Variants in OPRM1 observed in about 807,000 individuals in gnomAD.
The protein encoded by OPRM1 is opioid receptor mu 1, also known as mu-type opioid receptor.
In OPRM1, 27 loss-of-function variants were observed where a neutral mutation model predicts 31.8. That is an observed-to-expected ratio of 0.85 (90% CI 0.63 to 1.17). The LOEUF (loss-of-function observed/expected upper bound fraction) is 1.17, where lower values mean the gene tolerates loss of function less well. Ranked by LOEUF, OPRM1 falls within the 50% of genes most tolerant of loss-of-function variation. The pLI is 0.00. For synonymous variants in OPRM1, 196 were observed against 189.9 expected (o/e 1.03, Z -0.26); for missense variants, 536 against 511.1 (o/e 1.05, Z -0.47).
chr6:154,167,896 A>C, intron 3 of OPRM1: 1 of 1,544,844 alleles, frequency 6.5e-7, no homozygotes, highest in Non-Finnish European at 8.9e-7. Context: ...CATAGAGTTC[A>C]TCCACAATTT....
At chr6:154,092,276 CA>C (rs1792442236) in intron 3 of OPRM1, among the ~76,000 whole-genome samples, 1 of 152,204 alleles carries the variant, frequency 6.6e-6, no homozygotes, top group East Asian at 1.9e-4. Context: ...AGGCTGTCTC[CA>C]AGTTAGTATT....
chr6:154,221,115 T>C lies in OPRM1; in HGVS notation c.1165-25578T>C, dbSNP rs1778832310. ...TACTAGAGAAGAAAGCACGAAGGCA[T>C]TGTAACTGCTAAATAAATTAATCCT... On this transcript the variant is annotated intron_variant, in intron 3 of 3. Coordinates refer to the OPRM1 transcript ENST00000337049. 4 of 629,836 alleles carry C rather than the reference T, an allele frequency of 6.4e-6. No homozygotes were observed. The East Asian group carries it at 1.2e-4, about 18-fold the overall frequency. The allele number at this position is 629,836 out of a possible 1,614,324, so 39.0% of individuals were successfully genotyped here. A position where few individuals can be genotyped will look rare whatever the true frequency, so the allele number is the denominator to read the frequency against.
upstream of OPRM1, among the ~76,000 whole-genome samples, chr6:154,036,507 T>TA (rs1418806135): frequency 6.6e-6 from 1 of 151,840 alleles, no homozygotes; most frequent in African/African-American, 2.4e-5. Flanking sequence ...TAAAACAGAA[T>TA]AAAAAAACAA....
At chr6:154,096,024 C>T (rs1402463902) in intron 3 of OPRM1, among the ~76,000 whole-genome samples, 1 of 152,000 alleles carries the variant, frequency 6.6e-6, no homozygotes, top group African/African-American at 2.4e-5. Flanking sequence ...TTATCTAATG[C>T]ATTTTCTTTT....
chr6:154,087,155 T>A, intron 1 of OPRM1: 2 of 985,350 alleles, frequency 2.0e-6, no homozygotes, highest in Non-Finnish European at 2.4e-6. Context: ...AGTCTGAAAA[T>A]GTGGAGCTTT....
upstream of OPRM1, among the ~76,000 whole-genome samples, chr6:154,034,831 A>G (rs73572461): frequency 4.2e-3 from 639 of 152,312 alleles, 11 homozygotes; most frequent in African/African-American, 0.015. Flanking sequence ...TCCAGATTTT[A>G]GAAAGACATT....
intron 3 of OPRM1, among the ~76,000 whole-genome samples, chr6:154,200,809 T>C (rs903193281): frequency 6.6e-6 from 1 of 152,156 alleles, no homozygotes; most frequent in African/African-American, 2.4e-5. Context: ...TACTCCTTAG[T>C]GCATGAAAAG....
At chr6:154,219,836 T>C (rs1778710131) in intron 3 of OPRM1, among the ~76,000 whole-genome samples, 1 of 152,186 alleles carries the variant, frequency 6.6e-6, no homozygotes, top group South Asian at 2.1e-4. Context: ...TGTCCGTTCC[T>C]TGCCTTGTTA....
rs57730934 is a variant in OPRM1 at position 154,244,157 on chromosome 6, G to A, written c.1165-2536G>A. 4.0e-3 allele frequency among the ~76,000 whole-genome samples: 614 copies of A among 152,292 alleles called. 6 individuals carry two copies. Among genetic ancestry groups the A allele is most frequent in the African/African-American group, 0.014 (582 of 41,558 alleles). On this transcript the variant is annotated intron_variant, in intron 3 of 3. Transcript: ENST00000337049. Reference sequence around the variant, plus strand: ...TGGCAGGAAGTAAATAAAGCTTCTTGGCTTGACAGGACATGCTTGGGTCTT... The same window carrying A: ...TGGCAGGAAGTAAATAAAGCTTCTTAGCTTGACAGGACATGCTTGGGTCTT...
chr6:154,050,292 C>T (rs1192025779), intron 1 of OPRM1, among the ~76,000 whole-genome samples: 1 of 152,138 alleles, frequency 6.6e-6, no homozygotes, highest in Non-Finnish European at 1.5e-5. Flanking sequence ...ATCTGCACTC[C>T]TATGTTTGTT....
At chr6:154,244,430 G>C (rs189200932) in intron 3 of OPRM1, among the ~76,000 whole-genome samples, 19 of 152,172 alleles carry the variant, frequency 1.2e-4, no homozygotes, top group African/African-American at 3.9e-4. Context: ...TCCCTAGCCA[G>C]ATAGCGGCAA....
intron 3 of OPRM1, among the ~76,000 whole-genome samples, chr6:154,193,177 C>T (rs1802087246): frequency 6.6e-6 from 1 of 152,122 alleles, no homozygotes. Flanking sequence ...CCATAGAATA[C>T]TACTCAGCCA....
In OPRM1 at chr6:154,222,145, AGGG is replaced by A. The variant is rs775786153; in HGVS notation, c.1165-24547_1165-24545del. On this transcript the variant is annotated intron_variant, in intron 3 of 3. Transcript: ENST00000337049. ...TATTCAAGGCACCCTTTGTTAGTAA[AGGG>A]AAATATGAAATAGATTTTAATATAA... Among the ~76,000 whole-genome samples, 18 of 152,352 alleles carry A rather than the reference AGGG, an allele frequency of 1.2e-4. No homozygotes were observed. In the South Asian group the frequency reaches 3.7e-3, roughly 32 times the overall value.
chr6:154,160,860 T>C (rs1798953597), intron 3 of OPRM1, among the ~76,000 whole-genome samples: 1 of 152,240 alleles, frequency 6.6e-6, no homozygotes, highest in Non-Finnish European at 1.5e-5. Flanking sequence ...TTTGATCTGC[T>C]GCCACAGCCT....
chr6:154,014,517 C>T (rs570636905), intron 1 of OPRM1, among the ~76,000 whole-genome samples: 3 of 152,044 alleles, frequency 2.0e-5, no homozygotes, highest in Non-Finnish European at 4.4e-5. Context: ...TACCTGGTAC[C>T]TTAAAGGAAA....
At chr6:154,151,506 G>A (rs764924261) in intron 3 of OPRM1, among the ~76,000 whole-genome samples, 13 of 152,182 alleles carry the variant, frequency 8.5e-5, no homozygotes, top group Non-Finnish European at 1.9e-4. Flanking sequence ...CTCCTGACCT[G>A]AGTGGCTTTC....
chr6:154,236,435 A>G (rs1017780334), intron 3 of OPRM1, among the ~76,000 whole-genome samples: 15 of 152,232 alleles, frequency 9.9e-5, no homozygotes, highest in Admixed American at 2.0e-4. Flanking sequence ...ACAGAGTCTC[A>G]GTTTTGCAAG....
intron 1 of OPRM1, among the ~76,000 whole-genome samples, chr6:154,031,829 G>A (rs1406034494): frequency 1.3e-5 from 2 of 151,798 alleles, no homozygotes; most frequent in African/African-American, 2.4e-5. Flanking sequence ...AGAAGAAAGA[G>A]CATGGCAAGT....
intron 3 of OPRM1, among the ~76,000 whole-genome samples, chr6:154,111,897 C>T (rs1341070997): frequency 6.6e-6 from 1 of 152,072 alleles, no homozygotes; most frequent in African/African-American, 2.4e-5. Flanking sequence ...TCCTGAGTAG[C>T]TGGGACTACA....
Sources: gnomAD v4.1 joint callset for allele counts (sites outside exome capture counted in the v4.1 genomes callset) on GRCh38, gnomAD v4.1.1 for gene constraint, MANE v1.5 for transcripts, NCBI Gene and HGNC (gene_info 2026-07-23, HGNC 2026-07-21) for gene names.